PTPRM: variants seen among roughly 807,000 people sequenced by gnomAD.
PTPRM encodes the protein protein tyrosine phosphatase receptor type M, also known as receptor-type tyrosine-protein phosphatase mu.
A neutral mutation model predicts 186.7 loss-of-function variants in PTPRM; 47 were observed. That is an observed-to-expected ratio of 0.25 (90% confidence interval 0.20 to 0.32). PTPRM has a LOEUF of 0.32. Ranked by LOEUF, PTPRM falls within the 10% of genes least tolerant of loss-of-function variation. The pLI, the probability that PTPRM is intolerant of heterozygous loss-of-function variation, is 1.00. For synonymous variants in PTPRM, 668 were observed against 674.9 expected, an observed-to-expected ratio of 0.99 and a Z score of 0.16; for missense variants, 1,494 against 1,865.0, an observed-to-expected ratio of 0.80 and a Z score of 3.66.
At chr18:8,282,236 G>C (rs939882341) in intron 19 of PTPRM, among the ~76,000 whole-genome samples, 1 of 152,130 alleles carries the variant, frequency 6.6e-6, no homozygotes, top group Non-Finnish European at 1.5e-5. Context: ...CATCATATTA[G>C]AGCAGCCAAA....
Position 8,080,809 on chromosome 18 carries a change from C to T in PTPRM, c.1551+4245C>T, listed in dbSNP as rs2090088316. Reference sequence around the variant, plus strand: ...TATTTTTCTTCTGGAACTCAATGAGCCATGTATATGAAATTGTCTCTTCGC... The same window carrying T: ...TATTTTTCTTCTGGAACTCAATGAGTCATGTATATGAAATTGTCTCTTCGC... On this transcript the variant is annotated intron_variant, in intron 9 of 32. Transcript: ENST00000580170. Among the ~76,000 whole-genome samples the T allele has an allele frequency of 2.0e-5, 3 of 152,232 alleles. No homozygotes were observed. In the South Asian group the frequency reaches 6.2e-4, roughly 32 times the overall value.
intron 1 of PTPRM, among the ~76,000 whole-genome samples, chr18:7,646,814 T>G (rs2038575550): frequency 6.6e-6 from 1 of 152,134 alleles, no homozygotes; most frequent in African/African-American, 2.4e-5. Flanking sequence ...TTGAGTAACC[T>G]ATGCAAGATT....
chr18:7,614,892 G>T (rs1275597749), intron 1 of PTPRM, among the ~76,000 whole-genome samples: 1 of 152,046 alleles, frequency 6.6e-6, no homozygotes, highest in Non-Finnish European at 1.5e-5. Context: ...TACAAGTTTT[G>T]TCAAGTTTTT....
At chr18:7,808,083 C>T (rs1461961147) in intron 2 of PTPRM, among the ~76,000 whole-genome samples, 1 of 152,160 alleles carries the variant, frequency 6.6e-6, no homozygotes, top group Non-Finnish European at 1.5e-5. Context: ...TGGTTGTGAG[C>T]GATGGATGGA....
chr18:8,352,817 C>T (rs2095542985), intron 23 of PTPRM, among the ~76,000 whole-genome samples: 1 of 151,832 alleles, frequency 6.6e-6, no homozygotes, highest in East Asian at 1.9e-4. Context: ...ATTACAGGCA[C>T]CCACCACTAC....
chr18:7,946,575 A>G (rs1439689994), intron 5 of PTPRM, among the ~76,000 whole-genome samples: 2 of 152,176 alleles, frequency 1.3e-5, no homozygotes, highest in Admixed American at 6.5e-5. Context: ...GAGACTGAAT[A>G]TCTATGGAAA....
intron 7 of PTPRM, among the ~76,000 whole-genome samples, chr18:7,965,628 C>A (rs1465089336): frequency 3.3e-5 from 5 of 152,074 alleles, no homozygotes; most frequent in Admixed American, 3.3e-4. Context: ...GCGGGCAAAG[C>A]CAGTCTTAGC....
chr18:7,916,603 G>C (rs977083736), intron 4 of PTPRM, among the ~76,000 whole-genome samples: 5 of 151,916 alleles, frequency 3.3e-5, no homozygotes, highest in African/African-American at 1.2e-4. Context: ...AAAGAGCTGA[G>C]TCCTTTTCTT....
At chr18:7,642,077 T>G (rs1242504455) in intron 1 of PTPRM, among the ~76,000 whole-genome samples, 3 of 152,136 alleles carry the variant, frequency 2.0e-5, no homozygotes, top group Non-Finnish European at 4.4e-5. Flanking sequence ...CCCAAATATT[T>G]CAGGATTGAT....
At chr18:7,704,386 C>T (rs1389473942) in intron 1 of PTPRM, among the ~76,000 whole-genome samples, 1 of 152,074 alleles carries the variant, frequency 6.6e-6, no homozygotes, top group Admixed American at 6.5e-5. Context: ...CGACTTCTTC[C>T]TGGTTTAGTC....
intron 2 of PTPRM, among the ~76,000 whole-genome samples, chr18:7,842,930 G>GTGTGTGTGTGTGTGTGTATATA (rs377182615): frequency 9.9e-6 from 1 of 100,934 alleles, no homozygotes; most frequent in African/African-American, 4.9e-5. Context: ...GTGTGTGTGT[G>GTGTGTGTGTGTGTGTGTATATA]TATATATATA....
intron 1 of PTPRM, among the ~76,000 whole-genome samples, chr18:7,569,217 C>T (rs1043629282): frequency 6.6e-6 from 1 of 152,160 alleles, no homozygotes; most frequent in African/African-American, 2.4e-5. Flanking sequence ...GCTGCTGGAG[C>T]TCTGGACTCA....
chr18:7,983,836 A>G (rs115914966), intron 7 of PTPRM, among the ~76,000 whole-genome samples: 2,504 of 152,296 alleles, frequency 0.016, 54 homozygotes, highest in African/African-American at 0.057. Flanking sequence ...CTGTCACATA[A>G]AAACGTGCCA....
chr18:8,016,530 CAAA>C (rs563624187), intron 7 of PTPRM, among the ~76,000 whole-genome samples: 1 of 70,206 alleles, frequency 1.4e-5, no homozygotes, highest in Admixed American at 1.6e-4. Context: ...AAGAGTCTGT[CAAA>C]AAAAAAAAAA....
intron 11 of PTPRM, among the ~76,000 whole-genome samples, chr18:8,103,543 T>C (rs2091386151): frequency 1.3e-5 from 2 of 152,362 alleles, no homozygotes; most frequent in Admixed American, 6.5e-5. Flanking sequence ...TCAGCCTTCA[T>C]AGAATTGAAG....
rs554710246 is a variant in PTPRM at position 8,274,670 on chromosome 18, A to G, written c.2754+21256A>G. Among the ~76,000 whole-genome samples the G allele has an allele frequency of 3.3e-5, 5 of 152,342 alleles. No homozygotes were observed. The East Asian group carries it at 5.8e-4, about 18-fold the overall frequency. ...ATAAACCCTTCCCATGAGAACTCTC[A>G]GAAATACTGTTAGATATGCAGAGCC... On this transcript the variant is annotated intron_variant, in intron 19 of 32. Transcript: ENST00000580170.
chr18:7,687,834 G>A (rs1452762969), intron 1 of PTPRM, among the ~76,000 whole-genome samples: 1 of 150,232 alleles, frequency 6.7e-6, no homozygotes, highest in African/African-American at 2.5e-5. Context: ...CTGGAGTGCA[G>A]TGGTGCAATC....
intron 14 of PTPRM, among the ~76,000 whole-genome samples, chr18:8,240,702 A>G: frequency 1.4e-5 from 2 of 140,726 alleles, no homozygotes; most frequent in African/African-American, 5.4e-5. Flanking sequence ...AAAGAGAGAA[A>G]GAAAGAAGGA....
chr18:8,076,304 G>GT lies in PTPRM; in HGVS notation c.1442-148dup, dbSNP rs2089808716. ...TAATCAAGACAGTGTAGCTAAAATT[G>GT]TTTAAGATTCCAGATTTTTAAAGAA... On this transcript the variant is annotated intron_variant, in intron 8 of 32. Transcript: ENST00000580170. 3 of 588,370 alleles carry GT rather than the reference G, an allele frequency of 5.1e-6. No individual in the cohort carries two copies. The African/African-American group carries it at 5.9e-5, about 12-fold the overall frequency. 36.4% of individuals were successfully genotyped at this position (588,370 alleles called of 1,614,324 possible). A position where few individuals can be genotyped will look rare whatever the true frequency, so the allele number is the denominator to read the frequency against.
Sources: allele counts gnomAD v4.1 joint callset (sites outside exome capture counted in the v4.1 genomes callset), GRCh38; gene constraint gnomAD v4.1.1; transcripts MANE v1.5; gene names NCBI Gene and HGNC (gene_info 2026-07-23, HGNC 2026-07-21).